MYOM2: variants seen among roughly 807,000 people sequenced by gnomAD.
MYOM2 encodes myomesin 2.
In MYOM2, 254 loss-of-function variants were observed where a neutral mutation model predicts 187.6. The observed-to-expected ratio is 1.35, with a 90% confidence interval of 1.22 to 1.50. MYOM2 has a LOEUF of 1.50. Ranked by LOEUF, MYOM2 falls within the 40% of genes most tolerant of loss-of-function variation. MYOM2 has a pLI of 0.00. For synonymous variants in MYOM2, 981 were observed against 753.8 expected, an observed-to-expected ratio of 1.30 and a Z score of -4.94; for missense variants, 2,796 against 1,924.0, an observed-to-expected ratio of 1.45 and a Z score of -8.48.
At chr8:2,085,561 TGCGTGGCCCCACTG>T (rs1819825989) in intron 14 of MYOM2, among the ~76,000 whole-genome samples, 171 bp downstream of exon 14, 2 of 15,742 alleles carry the variant, frequency 1.3e-4, no homozygotes, top group African/African-American at 1.8e-3. Context: ...TCATGATCTC[TGCGTGGCCCCACTG>T]TTGTGATCTC....
At chr8:2,137,581 T>TGTGTGTGTGC (rs1491441841) in intron 32 of MYOM2, among the ~76,000 whole-genome samples, 1 of 151,718 alleles carries the variant, frequency 6.6e-6, no homozygotes, top group African/African-American at 2.4e-5. Flanking sequence ...TGTGTGTGTG[T>TGTGTGTGTGC]GCATTTGTTT....
At chr8:2,134,696 G>T (rs950526974) in intron 32 of MYOM2, among the ~76,000 whole-genome samples, 1 of 152,160 alleles carries the variant, frequency 6.6e-6, no homozygotes, top group African/African-American at 2.4e-5. Context: ...ACTTTGTTCT[G>T]TGAGCTGTTA....
At chr8:2,090,535 A>G (rs973140902) in intron 15 of MYOM2, among the ~76,000 whole-genome samples, 15 of 152,122 alleles carry the variant, frequency 9.9e-5, no homozygotes, top group African/African-American at 2.9e-4. Context: ...AACTTGTGTC[A>G]TGGGGGTTTG....
chr8:2,117,778 A>G (rs940724419), intron 27 of MYOM2, 107 bp from the exon 28 acceptor site: 2 of 669,942 alleles, frequency 3.0e-6, no homozygotes, highest in Non-Finnish European at 5.0e-6. Flanking sequence ...TATGTATTAT[A>G]TATACACACC....
At chr8:2,115,648 A>G (rs1180842114) in intron 25 of MYOM2, among the ~76,000 whole-genome samples, 12 of 151,982 alleles carry the variant, frequency 7.9e-5, no homozygotes, top group Admixed American at 7.9e-4. Flanking sequence ...GTATCATTTT[A>G]TTTTCTCCTG....
At chr8:2,086,494 C>CCCCCACTGTCGTGATCTCTGCGTGG (rs1796075416) in intron 14 of MYOM2, among the ~76,000 whole-genome samples, 3 of 132,932 alleles carry the variant, frequency 2.3e-5, no homozygotes, top group Admixed American at 1.6e-4. Flanking sequence ...TCTGTGTGGC[C>CCCCCACTGTCGTGATCTCTGCGTGG]CCCCACTGTC....
At chr8:2,073,308 A>G (rs772734241) in intron 9 of MYOM2, 31 bp from the exon 10 acceptor site, 5 of 1,581,756 alleles carry the variant, frequency 3.2e-6, no homozygotes, top group Non-Finnish European at 4.3e-6. Context: ...GTGATTTTGG[A>G]TGCAAACCTT....
At chr8:2,133,136 T>C (rs1438383251) in intron 32 of MYOM2, among the ~76,000 whole-genome samples, 1 of 148,666 alleles carries the variant, frequency 6.7e-6, no homozygotes. Flanking sequence ...TGTGTTCTGA[T>C]GTTCACTATT....
At chr8:2,076,475 A>G (rs901435748) in intron 11 of MYOM2, 193 bp downstream of exon 11, 4 of 698,696 alleles carry the variant, frequency 5.7e-6, no homozygotes, top group African/African-American at 1.8e-5. Flanking sequence ...TGAGCCCAGC[A>G]TAACCACACT....
chr8:2,124,101 G>A lies in MYOM2; in HGVS notation c.3656-78G>A, dbSNP rs545200448. 69 of 1,375,732 alleles carry A rather than the reference G, an allele frequency of 5.0e-5. 4 individuals are homozygous for A. In the South Asian group the frequency reaches 6.8e-4, roughly 14 times the overall value. 85.2% of individuals were successfully genotyped at this position (1,375,732 alleles called of 1,614,324 possible). A position where few individuals can be genotyped will look rare whatever the true frequency, so the allele number is the denominator to read the frequency against. ...ACTGAACATCACAATTTCCTGCATC[G>A]ATTTAATTAAACATTGAAAATGCTG... On this transcript the variant is annotated intron_variant, in intron 30 of 36. Transcript: ENST00000262113.
rs1247087016 is a variant in MYOM2, at chr8:2,085,622, C to T, written c.1644+232C>T. Among the ~76,000 whole-genome samples, 9 of 5,736 alleles carry T rather than the reference C, an allele frequency of 1.6e-3. 3 individuals are homozygous for T. The highest frequency in any genetic ancestry group is 1.9e-3 in the Non-Finnish European group (7 of 3,720). 3.8% of individuals were successfully genotyped at this position (5,736 alleles called of 152,430 possible). ...ACTGTCGTGATCTCTGCGTGGCCCC[C>T]CACAGTCGTGATCTCTTTGTGGCCC... On this transcript the variant is annotated intron_variant, in intron 14 of 36. Coordinates refer to ENST00000262113, the MANE Select transcript of MYOM2 (RefSeq NM_003970.4).
intron 3 of MYOM2, among the ~76,000 whole-genome samples, chr8:2,055,200 G>T (rs1010429961): frequency 6.6e-6 from 1 of 152,108 alleles, no homozygotes; most frequent in Non-Finnish European, 1.5e-5. Context: ...GCATTTTCCC[G>T]CTTTGTTGGG....
intron 31 of MYOM2, among the ~76,000 whole-genome samples, chr8:2,125,585 A>C (rs1315822271): frequency 7.1e-6 from 1 of 141,202 alleles, no homozygotes; most frequent in Non-Finnish European, 1.5e-5. Context: ...GTTGCATACG[A>C]CTTTTAGGAT....
intron 6 of MYOM2, among the ~76,000 whole-genome samples, chr8:2,067,112 C>T (rs973172001): frequency 6.6e-6 from 1 of 152,118 alleles, no homozygotes; most frequent in Admixed American, 6.5e-5. Context: ...CAGTAGATAG[C>T]ACAGTTCTCG....
chr8:2,125,604 C>CT (rs35137852), intron 31 of MYOM2, among the ~76,000 whole-genome samples: 45,825 of 89,064 alleles, frequency 0.51, 11,400 homozygotes, highest in East Asian at 0.62. Context: ...ATTATTTTTC[C>CT]TTTTTTTTTT....
intron 28 of MYOM2, among the ~76,000 whole-genome samples, chr8:2,121,750 C>G (rs1314644237): frequency 6.6e-6 from 1 of 152,148 alleles, no homozygotes; most frequent in Non-Finnish European, 1.5e-5. Flanking sequence ...CAATCATAAA[C>G]ATAAGAAAAT....
chr8:2,100,702 A>AC (rs3837173), intron 19 of MYOM2, among the ~76,000 whole-genome samples, 174 bp from the exon 20 acceptor site: 36,900 of 151,798 alleles, frequency 0.24, 5,506 homozygotes, highest in Admixed American at 0.37. Context: ...CATGCTGAGC[A>AC]CCCTCCTTAC....
intron 12 of MYOM2, 127 bp from the exon 13 acceptor site, chr8:2,079,432 GC>G: frequency 1.2e-6 from 1 of 859,008 alleles, no homozygotes. Flanking sequence ...CAGCTCTGAT[GC>G]CCCCAGAGGA....
intron 15 of MYOM2, 58 bp from the exon 16 acceptor site, chr8:2,092,288 G>C (rs1796331226): frequency 6.4e-7 from 1 of 1,572,288 alleles, no homozygotes; most frequent in South Asian, 1.2e-5. Context: ...GAAGATCTCT[G>C]CTGTAGCTTC....
Sources: allele counts gnomAD v4.1 joint callset (sites outside exome capture counted in the v4.1 genomes callset), GRCh38; gene constraint gnomAD v4.1.1; transcripts MANE v1.5; gene names NCBI Gene and HGNC (gene_info 2026-07-23, HGNC 2026-07-21).